The following DIDO1 variants were observed in gnomAD, a reference collection of about 807,000 sequenced individuals.
DIDO1 encodes death-inducer obliterator 1.
In DIDO1, 16 loss-of-function variants were observed where a neutral mutation model predicts 99.4. The observed-to-expected ratio is 0.16, with a 90% CI of 0.11 to 0.24. The LOEUF (loss-of-function observed/expected upper bound fraction) is 0.24, where lower values mean the gene tolerates loss of function less well. Among genes scored for constraint, DIDO1 ranks in the 10% least tolerant of loss-of-function variants. The pLI is 1.00. For synonymous variants in DIDO1, 1,366 were observed against 1,239.1 expected (o/e 1.10, Z -2.15); for missense variants, 2,996 against 3,014.0 (o/e 0.99, Z 0.14).
At chr20:62,883,657 T>C (rs1039008417) in intron 15 of DIDO1, among the ~76,000 whole-genome samples, 1 of 152,142 alleles carries the variant, frequency 6.6e-6, no homozygotes, top group Non-Finnish European at 1.5e-5. Flanking sequence ...AAACCCCGTC[T>C]CTACTAAAAA....
intron 1 of DIDO1, among the ~76,000 whole-genome samples, chr20:62,924,903 G>C (rs779243820): frequency 4.6e-5 from 7 of 152,124 alleles, no homozygotes; most frequent in Non-Finnish European, 1.0e-4. Flanking sequence ...CAAGATACGC[G>C]CTTTTCCAAA....
At chr20:62,931,065 C>T (rs1331949796), upstream of DIDO1, among the ~76,000 whole-genome samples, 1 of 152,164 alleles carries the variant, frequency 6.6e-6, no homozygotes, top group African/African-American at 2.4e-5. Flanking sequence ...CTCACCCTCC[C>T]GAGTAGCTGG....
At chr20:62,929,966 G>A (rs1304484379), upstream of DIDO1, among the ~76,000 whole-genome samples, 1 of 151,952 alleles carries the variant, frequency 6.6e-6, no homozygotes, top group Admixed American at 6.5e-5. Context: ...AGGCGCGGTG[G>A]TTCAAGCCTG....
chr20:62,895,301 C>G lies in DIDO1; in HGVS notation c.2215-136G>C, dbSNP rs1180210507. On this transcript the variant is annotated intron_variant, in intron 8 of 15. Coordinates refer to ENST00000395343, the MANE Select transcript of DIDO1 (RefSeq NM_001193369.2). ...CCTCAGGGCCCACTTGCGTGTGGCACTGGGCAGAGCCCTCCCTGCAGGGTG... is the reference window on the plus strand; with the variant it reads ...CCTCAGGGCCCACTTGCGTGTGGCAGTGGGCAGAGCCCTCCCTGCAGGGTG... 3 of 742,586 alleles carry G rather than the reference C, an allele frequency of 4.0e-6. No individual in the cohort carries two copies. In the African/African-American group the frequency reaches 5.3e-5, roughly 13 times the overall value. The allele number at this position is 742,586 out of a possible 1,614,324, so 46.0% of individuals were successfully genotyped here.
At chr20:62,936,731 G>A (rs987867178) in intron 1 of DIDO1, among the ~76,000 whole-genome samples, 5 of 151,794 alleles carry the variant, frequency 3.3e-5, no homozygotes, top group African/African-American at 9.7e-5. Flanking sequence ...GGGCGTGGTG[G>A]TGCGCCCCTG....
rs1600939962 is a variant in DIDO1 at position 62,894,361 on chromosome 20, A to C, written c.2572+52T>G. ...TTTAGGAGGTTCAGTGATTTTTAAC[A>C]AAATCAAGTTTAGTCTCAGCTCCAA... On this transcript the variant is annotated intron_variant, in intron 11 of 15. Transcript: ENST00000395343. This position sits in a 1 kb window ranked among gnomAD's most constrained non-coding sequence, Gnocchi z 4.4. 1 of 1,594,304 alleles carries C rather than the reference A, an allele frequency of 6.3e-7. No individual in the cohort carries two copies. Among genetic ancestry groups the C allele is most frequent in the East Asian group, 2.2e-5 (1 of 44,610 alleles).
chr20:62,882,320 G>A lies in DIDO1; in HGVS notation c.3636C>T (p.Asp1212=), dbSNP rs148075132. The A allele has an allele frequency of 2.2e-4, 356 of 1,614,002 alleles. No individual in the cohort carries two copies. The African/African-American group carries it at 4.4e-3, about 20-fold the overall frequency. The change falls in exon 16 of 16, where the codon GAC becomes GAT. Residue 1212 remains aspartate, a synonymous_variant. Coordinates refer to ENST00000395343, the MANE Select transcript of DIDO1 (RefSeq NM_001193369.2). ...CCGGTTGAAGTCGGGTCCGCTTTTC[G>A]TCCATCTTGTCTAACTCTCCACTGT... ...PANSGELDKM[D]EKRTRLQPEE...
Position 62,911,182 on chromosome 20 carries a change from C to A in DIDO1, c.431G>T (p.Gly144Val). 6.2e-7 allele frequency: 1 copy of A among 1,614,050 alleles called. No homozygotes were observed. The highest frequency in any genetic ancestry group is 2.2e-5 in the East Asian group (1 of 44,884). Reference sequence around the variant, plus strand: ...GGAGGTGTCATCGTGGTCATCCCCTCCTTTCACCTTTTCAGAAGAGGCTGG... The same window carrying A: ...GGAGGTGTCATCGTGGTCATCCCCTACTTTCACCTTTTCAGAAGAGGCTGG... ...ERPASSEKVKGGDDHDDTSDS... is the reference protein window; with the variant it reads ...ERPASSEKVKVGDDHDDTSDS... Residue 144 changes from glycine (G) to valine (V), a missense_variant, in exon 3 of 16, where the codon GGA becomes GTA. By Grantham distance (109) the Gly-to-Val change is moderately radical. Transcript: ENST00000395343. This position sits in a 1 kb window ranked among gnomAD's most constrained non-coding sequence, Gnocchi z 7.0.
rs201803216 is a variant in DIDO1 at position 62,889,118 on chromosome 20, G to A, written c.3541+1842C>T. ...CAGCTGGTCGCGGAGCTGACAGTGT[G>A]GGTGGTTGGTGCCATCGCACTCAGC... On this transcript the variant is annotated intron_variant, in intron 15 of 15. Coordinates refer to ENST00000395343, the MANE Select transcript of DIDO1 (RefSeq NM_001193369.2). The A allele has an allele frequency of 9.9e-5, 98 of 985,538 alleles. 1 individual carries two copies. In the African/African-American group the frequency reaches 1.5e-3, roughly 15 times the overall value. 61.0% of individuals were successfully genotyped at this position (985,538 alleles called of 1,614,324 possible).
chr20:62,909,781 G>A lies in DIDO1; in HGVS notation c.1079C>T (p.Ser360Phe), dbSNP rs1353644090. 1 of 1,614,250 alleles carries A rather than the reference G, an allele frequency of 6.2e-7. No homozygotes were observed. Among genetic ancestry groups the A allele is most frequent in the Non-Finnish European group, 8.5e-7 (1 of 1,180,042 alleles). The change falls in exon 4 of 16, where the codon TCT (serine) becomes TTT (phenylalanine). Residue 360 changes from serine to phenylalanine, a missense_variant. Ser to Phe is a radical substitution (Grantham distance 155). This residue lies in a region of DIDO1 where 898 missense variants were observed against 972.7 expected (regional missense o/e 0.92). Coordinates refer to ENST00000395343, the MANE Select transcript of DIDO1 (RefSeq NM_001193369.2). ...ACCCTTTATCCCTTGGTCTTCGCTA[G>A]ACTTCTGCTCTATTGTTCCTATACT... ...CTSIGTIEQKSSEDQGIKGRI... is the reference protein window; with the variant it reads ...CTSIGTIEQKFSEDQGIKGRI...
At chr20:62,899,238 T>C (rs117957568) in intron 6 of DIDO1, among the ~76,000 whole-genome samples, 1,541 of 152,308 alleles carry the variant, frequency 0.01, 14 homozygotes, top group South Asian at 0.024. Flanking sequence ...TGGAGTGTTT[T>C]AATATCACGT....
At chr20:62,923,959 TAAC>T (rs1050082690) in intron 1 of DIDO1, among the ~76,000 whole-genome samples, 4 of 152,214 alleles carry the variant, frequency 2.6e-5, no homozygotes, top group African/African-American at 9.7e-5. Context: ...CAACTTCATA[TAAC>T]AACTTAACCT....
chr20:62,918,693 T>C (rs576248310), intron 1 of DIDO1, among the ~76,000 whole-genome samples: 1 of 152,356 alleles, frequency 6.6e-6, no homozygotes, highest in Non-Finnish European at 1.5e-5. Flanking sequence ...AACCCGCCAG[T>C]CAGAAATTAT....
At position 62,894,756 on chromosome 20, in the gene DIDO1, A is replaced by C. The variant is rs1009038154; in HGVS notation, c.2436+54T>G. 7.7e-6 allele frequency: 12 copies of C among 1,559,084 alleles called. 2 individuals carry two copies. In the Middle Eastern group the frequency reaches 5.7e-4, roughly 74 times the overall value. On this transcript the variant is annotated intron_variant, in intron 10 of 15. Transcript: ENST00000395343. The surrounding 1 kb of genome is among the most constrained non-coding windows in gnomAD (Gnocchi z 4.4). ...CAATAATTTAAGATAACCTCAAAAC[A>C]TTTGGGATGGATTAGTCTATTCTCG...
At chr20:62,935,906 G>A (rs182734827) in intron 1 of DIDO1, among the ~76,000 whole-genome samples, 1 of 152,352 alleles carries the variant, frequency 6.6e-6, no homozygotes, top group Admixed American at 6.5e-5. Flanking sequence ...GGAAGAGGCT[G>A]GGAAACAACA....
chr20:62,915,255 A>G (rs573771652), intron 1 of DIDO1, among the ~76,000 whole-genome samples: 1 of 152,194 alleles, frequency 6.6e-6, no homozygotes, highest in Non-Finnish European at 1.5e-5. Context: ...TGAGCCCAGG[A>G]GTTCAACACC....
chr20:62,879,838 G>T lies in DIDO1; in HGVS notation c.6118C>A (p.Arg2040Ser). ...PSHPPQHRKD[R>S]WEEAGPPSAL... ...GAGGGCGGCCCGGCCTCCTCCCAGC[G>T]GTCCTTCCGGTGCTGCGGGGGGTGG... The change falls in exon 16 of 16, where the codon CGC (arginine) becomes AGC (serine). Residue 2040 changes from arginine to serine, a missense_variant. By Grantham distance (110) the Arg-to-Ser change is moderately radical. Coordinates refer to ENST00000395343, the MANE Select transcript of DIDO1 (RefSeq NM_001193369.2). This position sits in a 1 kb window ranked among gnomAD's most constrained non-coding sequence, Gnocchi z 6.3. 1 of 1,605,968 alleles carries T rather than the reference G, an allele frequency of 6.2e-7. No homozygotes were observed.
chr20:62,936,636 C>T (rs867887931), intron 1 of DIDO1, among the ~76,000 whole-genome samples: 1 of 152,076 alleles, frequency 6.6e-6, no homozygotes. Flanking sequence ...GAGTCCGAGG[C>T]GGGCGGATCA....
chr20:62,892,943 G>A lies in DIDO1; in HGVS notation c.3121C>T (p.Pro1041Ser). Residue 1041 changes from proline (P) to serine (S), a missense_variant, in exon 13 of 16, where the codon CCT becomes TCT. Transcript: ENST00000395343. ...AAGAGGGTCGTGTCTCCCTCTGGAG[G>A]GGAACGTGATTCTGAAGTGCTGTAA... ...PNISTSESRSPPEGDTTLFLS... is the reference protein window; with the variant it reads ...PNISTSESRSSPEGDTTLFLS... The A allele has an allele frequency of 1.9e-6, 3 of 1,612,914 alleles. No homozygotes were observed. The highest frequency in any genetic ancestry group is 2.5e-6 in the Non-Finnish European group (3 of 1,179,168).
Sources: gnomAD v4.1 joint callset for allele counts (sites outside exome capture counted in the v4.1 genomes callset) on GRCh38, gnomAD v4.1.1 for gene constraint, gnomAD v4.1.1 regional missense constraint, Gnocchi (gnomAD v3.1) non-coding constraint, MANE v1.5 for transcripts, NCBI Gene and HGNC (gene_info 2026-07-23, HGNC 2026-07-21) for gene names.